LRIG1: variants seen among roughly 807,000 people sequenced by gnomAD.
LRIG1 encodes the protein leucine rich repeats and immunoglobulin like domains 1.
In LRIG1, 48 loss-of-function variants were observed where a neutral mutation model predicts 99.2. The observed-to-expected ratio is 0.48, with a 90% confidence interval of 0.38 to 0.62. The LOEUF is 0.62. Among genes scored for constraint, LRIG1 ranks in the 20% least tolerant of loss-of-function variants. The probability of loss-of-function intolerance (pLI) is 0.00; values close to 1 mark genes in which losing one functional copy is unlikely to be tolerated. For missense variants in LRIG1, 1,646 were observed against 1,434.4 expected (o/e 1.15, Z -2.38); for synonymous variants, 772 against 596.1 (o/e 1.29, Z -4.30).
At chr3:66,385,048 A>G (rs1366067927) in intron 13 of LRIG1, among the ~76,000 whole-genome samples, 3 of 152,174 alleles carry the variant, frequency 2.0e-5, no homozygotes, top group Non-Finnish European at 4.4e-5. Flanking sequence ...CATTCTGATG[A>G]TTCTCAAGCC....
At chr3:66,401,639 G>C in intron 9 of LRIG1, 2 of 1,530,844 alleles carry the variant, frequency 1.3e-6, no homozygotes, top group Non-Finnish European at 1.7e-6. Flanking sequence ...GGGCTGGGAC[G>C]GGGAGCTGCA....
At chr3:66,456,570 C>CT (rs1374165142) in intron 2 of LRIG1, among the ~76,000 whole-genome samples, 2 of 99,374 alleles carry the variant, frequency 2.0e-5, no homozygotes, top group Admixed American at 1.2e-4. Context: ...GAGATCCTGT[C>CT]TTAAAAAAAA....
chr3:66,383,495 A>G, intron 14 of LRIG1, 94 bp from the exon 15 acceptor site: 2 of 1,089,436 alleles, frequency 1.8e-6, no homozygotes, highest in Non-Finnish European at 2.6e-6. Flanking sequence ...CCAACATATC[A>G]ATGAGATGCA....
chr3:66,430,564 G>A (rs1367509724), intron 3 of LRIG1, among the ~76,000 whole-genome samples: 1 of 152,204 alleles, frequency 6.6e-6, no homozygotes, highest in Non-Finnish European at 1.5e-5. Context: ...CTGACCCGAG[G>A]AAGCTGTACA....
chr3:66,488,742 C>G (rs970410376), intron 1 of LRIG1, among the ~76,000 whole-genome samples: 8 of 152,154 alleles, frequency 5.3e-5, no homozygotes, highest in African/African-American at 1.9e-4. Flanking sequence ...GGCAAGCTGG[C>G]CCAGAAAGAA....
chr3:66,475,988 C>A (rs1700714356), intron 1 of LRIG1, among the ~76,000 whole-genome samples: 1 of 152,168 alleles, frequency 6.6e-6, no homozygotes, highest in South Asian at 2.1e-4. Context: ...CATTTCCATA[C>A]ACAGGGGGCT....
Position 66,458,002 on chromosome 3 carries a change from G to A in LRIG1, c.290+4436C>T, listed in dbSNP as rs140962500. Among the ~76,000 whole-genome samples, 356 of 152,314 alleles carry A rather than the reference G, an allele frequency of 2.3e-3. 1 individual carries two copies. Among genetic ancestry groups the A allele is most frequent in the Middle Eastern group, 6.8e-3 (2 of 294 alleles). On this transcript the variant is annotated intron_variant, in intron 2 of 18. Transcript: ENST00000273261. ...TATAGGAATTTAAGGTAGTGCAGCCGCCAAGGTTAGCACAGGTTTTGAGTT... is the reference window on the plus strand; with the variant it reads ...TATAGGAATTTAAGGTAGTGCAGCCACCAAGGTTAGCACAGGTTTTGAGTT...
chr3:66,491,253 C>A (rs1015279637), intron 1 of LRIG1, among the ~76,000 whole-genome samples: 2 of 152,196 alleles, frequency 1.3e-5, no homozygotes, highest in African/African-American at 2.4e-5. Context: ...GGCTAATTAT[C>A]CCTCTACTAA....
intron 12 of LRIG1, among the ~76,000 whole-genome samples, chr3:66,392,903 G>C (rs537004092): frequency 1.2e-4 from 18 of 152,350 alleles, no homozygotes; most frequent in African/African-American, 4.3e-4. Context: ...GCGAGCATTA[G>C]ATTCCACACA....
At chr3:66,382,181 A>G (rs899868606) in intron 16 of LRIG1, 92 bp downstream of exon 16, 8 of 1,480,396 alleles carry the variant, frequency 5.4e-6, no homozygotes, top group Non-Finnish European at 7.5e-6. Flanking sequence ...ATCTAATGCC[A>G]GGTACCTGCC....
At chr3:66,383,532 G>T in intron 14 of LRIG1, 131 bp from the exon 15 acceptor site, 1 of 847,722 alleles carries the variant, frequency 1.2e-6, no homozygotes, top group Non-Finnish European at 1.8e-6. Flanking sequence ...AGAGTGGCAA[G>T]CTTTGGAGAA....
intron 1 of LRIG1, among the ~76,000 whole-genome samples, chr3:66,487,548 G>T (rs982256617): frequency 3.3e-5 from 5 of 152,170 alleles, no homozygotes; most frequent in African/African-American, 1.2e-4. Context: ...ACATGAAATT[G>T]AATGATCCCT....
chr3:66,443,836 T>C (rs931150863), intron 3 of LRIG1, among the ~76,000 whole-genome samples: 2 of 152,144 alleles, frequency 1.3e-5, no homozygotes, highest in African/African-American at 4.8e-5. Context: ...TCCTCCACAT[T>C]TTCATCTCTT....
At chr3:66,425,708 G>C (rs367862819) in intron 3 of LRIG1, among the ~76,000 whole-genome samples, 16 of 152,232 alleles carry the variant, frequency 1.1e-4, no homozygotes, top group African/African-American at 3.9e-4. Flanking sequence ...GGGACCGGGG[G>C]AAGTGTGTGG....
At chr3:66,420,768 G>C (rs1022438941) in intron 3 of LRIG1, among the ~76,000 whole-genome samples, 1 of 152,236 alleles carries the variant, frequency 6.6e-6, no homozygotes, top group East Asian at 1.9e-4. Context: ...TAGAATGGTG[G>C]TGTCCAGGGA....
At chr3:66,406,199 G>C in intron 8 of LRIG1, 8 of 985,492 alleles carry the variant, frequency 8.1e-6, no homozygotes, top group Non-Finnish European at 9.6e-6. Context: ...TGTCACAGCA[G>C]GAAGGTCAAA....
At chr3:66,383,843 T>G in intron 14 of LRIG1, 148 bp downstream of exon 14, 2 of 1,133,412 alleles carry the variant, frequency 1.8e-6, no homozygotes, top group Admixed American at 2.9e-5. Flanking sequence ...TTAAGAAAAA[T>G]TAACTCAACT....
chr3:66,479,145 CA>C (rs1263060499), intron 1 of LRIG1, among the ~76,000 whole-genome samples: 6 of 152,236 alleles, frequency 3.9e-5, no homozygotes, highest in African/African-American at 1.4e-4. Flanking sequence ...TGCACTTGGA[CA>C]GCCTCAATAC....
At chr3:66,393,278 T>TG (rs1701696143) in intron 12 of LRIG1, among the ~76,000 whole-genome samples, 1 of 152,242 alleles carries the variant, frequency 6.6e-6, no homozygotes, top group African/African-American at 2.4e-5. Context: ...ACTTAACACC[T>TG]GCCCAGCAGT....
Sources: gnomAD v4.1 joint callset for allele counts (sites outside exome capture counted in the v4.1 genomes callset) on GRCh38, gnomAD v4.1.1 for gene constraint, MANE v1.5 for transcripts, NCBI Gene and HGNC (gene_info 2026-07-23, HGNC 2026-07-21) for gene names.